Variants in MCUB observed in about 807,000 individuals in gnomAD.
The protein encoded by MCUB is mitochondrial calcium uniporter dominant negative subunit beta.
Under a neutral mutation model 41.4 loss-of-function variants are expected in MCUB, and 46 were observed. The observed-to-expected ratio is 1.11, with a 90% confidence interval of 0.88 to 1.42. The LOEUF (loss-of-function observed/expected upper bound fraction) is 1.42. Among genes scored for constraint, MCUB ranks in the 40% most tolerant of loss-of-function variants. The pLI is 0.00. For synonymous variants in MCUB, 148 were observed against 148.2 expected, an observed-to-expected ratio of 1.00 and a Z score of 0.01; for missense variants, 403 against 404.9, an observed-to-expected ratio of 1.00 and a Z score of 0.04.
chr4:109,576,602 T>C (rs1727036825), intron 1 of MCUB, among the ~76,000 whole-genome samples: 1 of 151,514 alleles, frequency 6.6e-6, no homozygotes, highest in Admixed American at 6.6e-5. Flanking sequence ...GTGGGAACTC[T>C]TTTGTGTTGC....
At chr4:109,634,832 C>G (rs542561548) in intron 1 of MCUB, among the ~76,000 whole-genome samples, 16 of 152,236 alleles carry the variant, frequency 1.1e-4, no homozygotes, top group Admixed American at 9.8e-4. Context: ...TATTATTATA[C>G]TGGGATACAT....
chr4:109,613,660 C>G (rs182813691), intron 1 of MCUB, among the ~76,000 whole-genome samples: 2 of 152,116 alleles, frequency 1.3e-5, no homozygotes, highest in African/African-American at 4.8e-5. Flanking sequence ...TTTTTCCATA[C>G]CATTTAATAG....
At position 109,688,638 on chromosome 4, in the gene MCUB, ATATTT is replaced by A. The variant is rs1365701610; in HGVS notation, c.*1051_*1055del. ...AAATGTAATAAAATATGAATTTCGAATATTTTATTAAGGGATGATTTAATTCCTGG... is the reference window on the plus strand; with the variant it reads ...AAATGTAATAAAATATGAATTTCGAATATTAAGGGATGATTTAATTCCTGG... On this transcript the variant is annotated 3_prime_UTR_variant, in exon 8 of 8. Coordinates refer to ENST00000394650, the MANE Select transcript of MCUB (RefSeq NM_017918.5). 1 of 152,224 alleles carries A rather than the reference ATATTT, an allele frequency of 6.6e-6. No individual in the cohort carries two copies. Among genetic ancestry groups the A allele is most frequent in the Admixed American group, 6.5e-5 (1 of 15,286 alleles). 9.4% of individuals were successfully genotyped at this position (152,224 alleles called of 1,614,324 possible).
chr4:109,625,303 C>T (rs1403686588), intron 1 of MCUB, among the ~76,000 whole-genome samples: 1 of 152,204 alleles, frequency 6.6e-6, no homozygotes, highest in Non-Finnish European at 1.5e-5. Flanking sequence ...GCAGTAGCAT[C>T]CCCATCATCC....
chr4:109,662,831 C>CT, intron 3 of MCUB, among the ~76,000 whole-genome samples: 1 of 150,500 alleles, frequency 6.6e-6, no homozygotes, highest in East Asian at 2.0e-4. Context: ...TTTTTTTCTT[C>CT]TTTTTAAAAG....
At chr4:109,598,138 A>G (rs1217177930) in intron 1 of MCUB, among the ~76,000 whole-genome samples, 2 of 143,608 alleles carry the variant, frequency 1.4e-5, no homozygotes, top group Non-Finnish European at 3.0e-5. Context: ...GGGGCTCCTC[A>G]CATCCCAGAC....
At chr4:109,682,971 G>T (rs1729753901) in intron 5 of MCUB, 1 of 409,008 alleles carries the variant, frequency 2.4e-6, no homozygotes, top group Non-Finnish European at 4.4e-6. Context: ...GAGCTCACGT[G>T]GCCTGTGTTC....
intron 1 of MCUB, among the ~76,000 whole-genome samples, chr4:109,565,997 C>T (rs1487685743): frequency 6.6e-6 from 1 of 151,868 alleles, no homozygotes; most frequent in Non-Finnish European, 1.5e-5. Flanking sequence ...CACACACCAC[C>T]ATGCCTGGCT....
chr4:109,633,934 C>G (rs926268834), intron 1 of MCUB, among the ~76,000 whole-genome samples: 4 of 149,574 alleles, frequency 2.7e-5, no homozygotes, highest in Non-Finnish European at 5.9e-5. Context: ...CTCTGGGGCT[C>G]TATTACACTT....
intron 1 of MCUB, among the ~76,000 whole-genome samples, chr4:109,595,320 A>T (rs1336850323): frequency 2.0e-5 from 3 of 152,150 alleles, no homozygotes; most frequent in Non-Finnish European, 2.9e-5. Context: ...TTAACCACGG[A>T]ATCTGCACTA....
At chr4:109,629,541 G>A (rs1168325577) in intron 1 of MCUB, among the ~76,000 whole-genome samples, 1 of 152,158 alleles carries the variant, frequency 6.6e-6, no homozygotes, top group African/African-American at 2.4e-5. Flanking sequence ...ATAATCTAAA[G>A]ACACTAGTTG....
intron 4 of MCUB, among the ~76,000 whole-genome samples, chr4:109,668,238 TCTGTAA>T (rs1355645208): frequency 6.6e-6 from 1 of 152,112 alleles, no homozygotes; most frequent in Non-Finnish European, 1.5e-5. Flanking sequence ...AATGTTGAAG[TCTGTAA>T]CTGTAAACAT....
chr4:109,598,195 C>T (rs868050004), intron 1 of MCUB, among the ~76,000 whole-genome samples: 37 of 149,194 alleles, frequency 2.5e-4, no homozygotes, highest in South Asian at 6.8e-4. Context: ...GACGGGGTGG[C>T]GGCCGGGCAG....
chr4:109,657,728 A>G (rs1729136865), intron 1 of MCUB, among the ~76,000 whole-genome samples: 1 of 152,196 alleles, frequency 6.6e-6, no homozygotes. Flanking sequence ...GCACCATGAT[A>G]TTATTCGGTC....
chr4:109,622,386 A>G (rs1415543191), intron 1 of MCUB, among the ~76,000 whole-genome samples: 2 of 152,172 alleles, frequency 1.3e-5, no homozygotes, highest in East Asian at 3.8e-4. Context: ...GGAATAGAAA[A>G]TCTAATGTTT....
chr4:109,583,593 C>A (rs1727235664), intron 1 of MCUB, among the ~76,000 whole-genome samples: 1 of 152,132 alleles, frequency 6.6e-6, no homozygotes, highest in Non-Finnish European at 1.5e-5. Flanking sequence ...GAACTTCCAA[C>A]ACTGTGTTGA....
chr4:109,595,233 G>A (rs182832294), intron 1 of MCUB, among the ~76,000 whole-genome samples: 10 of 152,242 alleles, frequency 6.6e-5, no homozygotes, highest in Non-Finnish European at 4.4e-5. Flanking sequence ...ACAGGGAGAC[G>A]GTTGCCTTCA....
intron 1 of MCUB, among the ~76,000 whole-genome samples, chr4:109,602,887 T>A (rs1727775780): frequency 6.6e-6 from 1 of 152,198 alleles, no homozygotes; most frequent in South Asian, 2.1e-4. Context: ...CATCTATGAT[T>A]TATAGTTTTC....
At chr4:109,586,388 G>A (rs1347830500) in intron 1 of MCUB, among the ~76,000 whole-genome samples, 1 of 152,108 alleles carries the variant, frequency 6.6e-6, no homozygotes, top group African/African-American at 2.4e-5. Context: ...TCCTTGCGAT[G>A]GGTTCGAACA....
Sources: gnomAD v4.1 joint callset for allele counts (sites outside exome capture counted in the v4.1 genomes callset) on GRCh38, gnomAD v4.1.1 for gene constraint, MANE v1.5 for transcripts, NCBI Gene and HGNC (gene_info 2026-07-23, HGNC 2026-07-21) for gene names.